The following ZNF554 variants were observed in gnomAD, a reference collection of about 807,000 sequenced individuals.
The protein encoded by ZNF554 is zinc finger protein 554.
Under a neutral mutation model 21.2 loss-of-function variants are expected in ZNF554, and 15 were observed. The ratio of observed to expected loss-of-function variants is 0.71; its 90% confidence interval spans 0.47 to 1.09. ZNF554 has a LOEUF of 1.09. ZNF554 is among the 50% of genes least tolerant of loss of function. The probability of loss-of-function intolerance (pLI) is 0.00; values close to 1 mark genes in which losing one functional copy is unlikely to be tolerated. For missense variants in ZNF554, 691 were observed against 662.7 expected (o/e 1.04, Z -0.47); for synonymous variants, 258 against 251.4 (o/e 1.03, Z -0.25).
chr19:2,827,793 G>A (rs371034455), intron 3 of ZNF554, 50 bp downstream of exon 3: 416 of 1,608,270 alleles, frequency 2.6e-4, no homozygotes, highest in Non-Finnish European at 3.4e-4. Context: ...CATTTATCTG[G>A]TGTATTAGTC....
At chr19:2,830,436 C>T (rs376121538) in intron 3 of ZNF554, 10 of 152,174 alleles carry the variant, frequency 6.6e-5, no homozygotes, top group East Asian at 5.8e-4. Context: ...TCCACCTTTC[C>T]GCTGTTGTGA....
intron 1 of ZNF554, among the ~76,000 whole-genome samples, chr19:2,820,949 C>T (rs1259740202): frequency 6.6e-6 from 1 of 151,486 alleles, no homozygotes; most frequent in Admixed American, 6.6e-5. Flanking sequence ...CAGGCGTGAG[C>T]CACCGCGCAG....
rs1422772086 is a variant in ZNF554, at chr19:2,836,181, C to T, written c.*1329C>T. Among the ~76,000 whole-genome samples the T allele has an allele frequency of 1.0e-5, 1 of 95,738 alleles. No individual in the cohort carries two copies. Among genetic ancestry groups the T allele is most frequent in the Non-Finnish European group, 2.2e-5 (1 of 44,506 alleles). The allele number at this position is 95,738 out of a possible 152,430, so 62.8% of individuals were successfully genotyped here. A position where few individuals can be genotyped will look rare whatever the true frequency, so the allele number is the denominator to read the frequency against. The stretch of plus-strand genomic sequence containing the variant: ...GCTGGGATTACGGGCGTGAGCTGCC[C>T]ATGCTGGGATTACGGGTGTGAGCCA... On this transcript the variant is annotated 3_prime_UTR_variant, in exon 5 of 5. Transcript: ENST00000317243.
chr19:2,823,918 CCT>C lies in ZNF554; in HGVS notation c.126+807_126+808del, dbSNP rs1328610573. ...CCACTCTGGTCTGTAGGACTGGCAG[CCT>C]GGCCCCCAGTCTTCAGGCCCTCCCT... On this transcript the variant is annotated intron_variant, in intron 2 of 4. Transcript: ENST00000317243. Among the ~76,000 whole-genome samples the C allele has an allele frequency of 2.0e-5, 3 of 152,274 alleles. No homozygotes were observed. In the East Asian group the frequency reaches 5.8e-4, roughly 29 times the overall value.
intron 4 of ZNF554, among the ~76,000 whole-genome samples, chr19:2,832,795 C>G (rs1388129158): frequency 6.6e-6 from 1 of 152,144 alleles, no homozygotes; most frequent in African/African-American, 2.4e-5. Context: ...GCATCCTCAC[C>G]TTCCTGGGCT....
intron 3 of ZNF554, among the ~76,000 whole-genome samples, chr19:2,830,026 G>A (rs562247967): frequency 2.0e-4 from 30 of 152,252 alleles, no homozygotes; most frequent in African/African-American, 7.0e-4. Context: ...CTGGGTTCAC[G>A]CCATTCTCCT....
At chr19:2,833,146 C>CTT (rs5826783) in intron 4 of ZNF554, 7 of 151,618 alleles carry the variant, frequency 4.6e-5, no homozygotes, top group South Asian at 2.1e-4. Context: ...TAATTTCTTT[C>CTT]TTTTTTTTTG....
At chr19:2,831,562 G>A (rs1038226413) in intron 3 of ZNF554, 1 of 148,394 alleles carries the variant, frequency 6.7e-6, no homozygotes, top group Non-Finnish European at 1.5e-5. Context: ...CCAAAGTGAT[G>A]GGATTACAGG....
rs2087262067 is a variant in ZNF554 at position 2,821,409 on chromosome 19, G to A, written c.53+1285G>A. Among the ~76,000 whole-genome samples the A allele has an allele frequency of 6.6e-6, 1 of 151,972 alleles. No individual in the cohort carries two copies. The highest frequency in any genetic ancestry group is 6.5e-5 in the Admixed American group (1 of 15,284). On this transcript the variant is annotated intron_variant, in intron 1 of 4. Transcript: ENST00000317243. The surrounding 1 kb of genome is among the most constrained non-coding windows in gnomAD (Gnocchi z 8.2). Reference sequence around the variant, plus strand: ...TACATGAGCCTCCTGGAGCTGCTGTGACAATGCACCACAAACCAGGGGGCA... The same window carrying A: ...TACATGAGCCTCCTGGAGCTGCTGTAACAATGCACCACAAACCAGGGGGCA...
intron 3 of ZNF554, chr19:2,831,309 A>ATTTTTTTTTTTTT (rs60934991): frequency 1.4e-5 from 2 of 142,094 alleles, no homozygotes; most frequent in African/African-American, 5.1e-5. Context: ...AAGATCTGTA[A>ATTTTTTTTTTTTT]TTTTTTTTTT....
At chr19:2,826,503 A>G (rs576159538) in intron 2 of ZNF554, among the ~76,000 whole-genome samples, 1 of 151,942 alleles carries the variant, frequency 6.6e-6, no homozygotes, top group Non-Finnish European at 1.5e-5. Flanking sequence ...TGCCCAGCCA[A>G]CTTTTACATC....
Position 2,832,469 on chromosome 19 carries a change from A to C in ZNF554, c.420A>C (p.Lys140Asn), listed in dbSNP as rs781417153. Reference sequence around the variant, plus strand: ...GAGAAGCCCTGTGGATAGAGGAAAAAGGAACTCCTCAAGCCTCCTGTTCAG... The same window carrying C: ...GAGAAGCCCTGTGGATAGAGGAAAACGGAACTCCTCAAGCCTCCTGTTCAG... ...EQREALWIEE[K>N]GTPQASCSDW... The change falls in exon 4 of 5, where the codon AAA becomes AAC. Residue 140 changes from lysine (K) to asparagine (N), a missense_variant. Transcript: ENST00000317243. 2 of 1,609,690 alleles carry C rather than the reference A, an allele frequency of 1.2e-6. No homozygotes were observed. Among genetic ancestry groups the C allele is most frequent in the East Asian group, 4.5e-5 (2 of 44,836 alleles).
In ZNF554 at chr19:2,827,688, G is replaced by A; in HGVS notation, c.198G>A (p.Gln66=). The A allele has an allele frequency of 6.2e-7, 1 of 1,614,144 alleles. No individual in the cohort carries two copies. The highest frequency in any genetic ancestry group is 1.1e-5 in the South Asian group (1 of 91,070). ...QEEWELLEPA[Q]KNLYREVMLE... ...AGTGGGAGTTGCTGGAGCCTGCTCA[G>A]AAGAACCTGTACAGAGAGGTGATGC... Residue 66 remains glutamine (Q), a synonymous_variant, in exon 3 of 5, where the codon CAG becomes CAA. Transcript: ENST00000317243.
Position 2,834,961 on chromosome 19 carries a change from C to A in ZNF554, c.*109C>A. 1.0e-6 allele frequency: 1 copy of A among 973,202 alleles called. No homozygotes were observed. Among genetic ancestry groups the A allele is most frequent in the East Asian group, 2.5e-5 (1 of 39,784 alleles). 60.3% of individuals were successfully genotyped at this position (973,202 alleles called of 1,614,324 possible). On this transcript the variant is annotated 3_prime_UTR_variant, in exon 5 of 5. Coordinates refer to ENST00000317243, the MANE Select transcript of ZNF554 (RefSeq NM_001102651.2). ...TTGAAAAGAAGTGGGTTTATGTCAC[C>A]TTCTCACCTTCTTATAAGAAAGCTC... is the stretch of plus-strand genomic sequence containing the variant.
intron 1 of ZNF554, among the ~76,000 whole-genome samples, chr19:2,822,596 A>G (rs779895060): frequency 6.6e-6 from 1 of 152,118 alleles, no homozygotes; most frequent in Non-Finnish European, 1.5e-5. Flanking sequence ...ACCCCTGGCC[A>G]TGGATGTGTG....
At position 2,834,108 on chromosome 19, in the gene ZNF554, C is replaced by G. The variant is rs377231682; in HGVS notation, c.873C>G (p.His291Gln). ...GCCAGAACAGTCACTTTATTCAACA[C>G]GGGGGGAAGATGTTTGTGTATTTGG... The part of the protein sequence containing the change: ...AIRQNSHFIQ[H>Q]GGKMFVYLEN... The change falls in exon 5 of 5, where the codon CAC becomes CAG. Residue 291 changes from histidine to glutamine, a missense_variant. Coordinates refer to ENST00000317243, the MANE Select transcript of ZNF554 (RefSeq NM_001102651.2). 3 of 1,613,982 alleles carry G rather than the reference C, an allele frequency of 1.9e-6. No homozygotes were observed. Among genetic ancestry groups the G allele is most frequent in the East Asian group, 4.5e-5 (2 of 44,884 alleles).
At chr19:2,823,343 G>T (rs1169896003) in intron 2 of ZNF554, among the ~76,000 whole-genome samples, 1 of 152,132 alleles carries the variant, frequency 6.6e-6, no homozygotes, top group Non-Finnish European at 1.5e-5. Flanking sequence ...CGGGATCCCT[G>T]GGGTGTCAGT....
intron 1 of ZNF554, 47 bp from the exon 2 acceptor site, chr19:2,822,993 G>A (rs1425923768): frequency 1.3e-6 from 2 of 1,588,126 alleles, no homozygotes; most frequent in Non-Finnish European, 1.7e-6. Flanking sequence ...TGGGATCTGG[G>A]GACTGGCCTG....
At position 2,820,007 on chromosome 19, in the gene ZNF554, C is replaced by T. The variant is rs1278730976; in HGVS notation, c.-65C>T. ...GCGTCCCAGGGACACGCAGGGGAGG[C>T]CGGCCGGCCTGCACGGGGCGCTCCC... On this transcript the variant is annotated 5_prime_UTR_variant, in exon 1 of 5. Transcript: ENST00000317243. 30 of 1,157,666 alleles carry T rather than the reference C, an allele frequency of 2.6e-5. No individual in the cohort carries two copies. Among genetic ancestry groups the T allele is most frequent in the Non-Finnish European group, 2.9e-5 (27 of 931,374 alleles). 71.7% of individuals were successfully genotyped at this position (1,157,666 alleles called of 1,614,324 possible). A position where few individuals can be genotyped will look rare whatever the true frequency, so the allele number is the denominator to read the frequency against.
Sources: allele counts gnomAD v4.1 joint callset (sites outside exome capture counted in the v4.1 genomes callset), GRCh38; gene constraint gnomAD v4.1.1; non-coding constraint Gnocchi (gnomAD v3.1); transcripts MANE v1.5; gene names NCBI Gene and HGNC (gene_info 2026-07-23, HGNC 2026-07-21).